FANCE: variants seen among roughly 807,000 people sequenced by gnomAD.
FANCE encodes the protein FA complementation group E.
FANCE carries 42 observed loss-of-function variants against 57.8 expected under a neutral mutation model. That is an observed-to-expected ratio of 0.73 (90% CI 0.57 to 0.94). The LOEUF is 0.94. FANCE is among the 40% of genes least tolerant of loss of function. The pLI is 0.00. For synonymous variants in FANCE, 251 were observed against 286.4 expected, an observed-to-expected ratio of 0.88 and a Z score of 1.25; for missense variants, 608 against 661.8, an observed-to-expected ratio of 0.92 and a Z score of 0.89.
At chr6:35,455,412 A>G (rs1220272009) in intron 1 of FANCE, among the ~76,000 whole-genome samples, 3 of 151,572 alleles carry the variant, frequency 2.0e-5, no homozygotes, top group African/African-American at 7.3e-5. Flanking sequence ...GGTTCAAGCG[A>G]TTCTCCTGCC....
rs769404523 is a variant in FANCE at position 35,455,999 on chromosome 6, A to G, written c.501A>G (p.Leu167=). The G allele has an allele frequency of 4.3e-6, 7 of 1,613,140 alleles. No homozygotes were observed. The highest frequency in any genetic ancestry group is 2.2e-5 in the South Asian group (2 of 91,060). The change falls in exon 2 of 10, where the codon CTA becomes CTG. Residue 167 remains leucine, a synonymous_variant. Coordinates refer to ENST00000229769, the MANE Select transcript of FANCE (RefSeq NM_021922.3). The part of the protein sequence containing the change: ...SERCQRQLQS[L]CRGLGLGGRR... ...GATGCCAGAGACAGCTCCAAAGTCT[A>G]TGTAGGGGGCTGGGCCTGGGGGGCA... is the stretch of plus-strand genomic sequence containing the variant.
In FANCE at chr6:35,452,455, C is replaced by A; in HGVS notation, c.-91C>A. 1 of 1,175,090 alleles carries A rather than the reference C, an allele frequency of 8.5e-7. No homozygotes were observed. 72.8% of individuals were successfully genotyped at this position (1,175,090 alleles called of 1,614,324 possible). ...TGGAGCTGGCCCGCCACCGCCGCGT[C>A]AGGGACGGCGCTGGAGTCCTCCGTT... On this transcript the variant is annotated 5_prime_UTR_variant, in exon 1 of 10. Coordinates refer to ENST00000229769, the MANE Select transcript of FANCE (RefSeq NM_021922.3).
rs45618936 is a variant in FANCE, at chr6:35,457,430, T to C, written c.856-126T>C. ...GCCACCGCGCTTGGCCTCTTGACTT[T>C]CTTGAATCATCTTTGCCAGCTAGCT... On this transcript the variant is annotated intron_variant, in intron 2 of 9. Coordinates refer to ENST00000229769, the MANE Select transcript of FANCE (RefSeq NM_021922.3). 607 of 1,055,288 alleles carry C rather than the reference T, an allele frequency of 5.8e-4. 5 individuals carry two copies. The African/African-American group carries it at 8.4e-3, about 15-fold the overall frequency. 65.4% of individuals were successfully genotyped at this position (1,055,288 alleles called of 1,614,324 possible).
At chr6:35,463,777 T>G (rs1014764481) in intron 9 of FANCE, among the ~76,000 whole-genome samples, 1 of 151,794 alleles carries the variant, frequency 6.6e-6, no homozygotes, top group Non-Finnish European at 1.5e-5. Flanking sequence ...TTCTCCTGCC[T>G]CAGCCTCCCG....
At position 35,457,604 on chromosome 6, in the gene FANCE, A is replaced by T. The variant is rs1329359988; in HGVS notation, c.900+4A>T. On this transcript the variant is annotated splice_donor_region_variant and intron_variant, in intron 3 of 9. Coordinates refer to ENST00000229769, the MANE Select transcript of FANCE (RefSeq NM_021922.3). Reference sequence around the variant, plus strand: ...GCTGCTGAAGACCTTGGAGGAGGTGACTGGCCCCACAGTGCTCACCATAGC... The same window carrying T: ...GCTGCTGAAGACCTTGGAGGAGGTGTCTGGCCCCACAGTGCTCACCATAGC... 11 of 1,613,798 alleles carry T rather than the reference A, an allele frequency of 6.8e-6. No individual in the cohort carries two copies. The highest frequency in any genetic ancestry group is 9.3e-6 in the Non-Finnish European group (11 of 1,179,958).
chr6:35,465,864 T>C lies in FANCE; in HGVS notation c.1510-380T>C, dbSNP rs993605944. Among the ~76,000 whole-genome samples, 13 of 152,232 alleles carry C rather than the reference T, an allele frequency of 8.5e-5. 1 individual carries two copies. Among genetic ancestry groups the C allele is most frequent in the Admixed American group, 7.9e-4 (12 of 15,284 alleles). On this transcript the variant is annotated intron_variant, in intron 9 of 9. Transcript: ENST00000229769. ...AAGTGTGATCCAAAAGGAAGGTAGC[T>C]GTCACAGTAGAGTGTCTGTGAACCT...
intron 7 of FANCE, among the ~76,000 whole-genome samples, 194 bp downstream of exon 7, chr6:35,459,954 G>T (rs958647935): frequency 5.9e-5 from 9 of 152,094 alleles, no homozygotes; most frequent in African/African-American, 2.2e-4. Context: ...TCTACTCCTA[G>T]TTATTTTTTA....
At chr6:35,458,034 T>C (rs774814768) in intron 4 of FANCE, 50 bp downstream of exon 4, 1 of 1,531,392 alleles carries the variant, frequency 6.5e-7, no homozygotes, top group Non-Finnish European at 9.0e-7. Flanking sequence ...CTGTCCCTTA[T>C]CTTTTTCTAT....
In FANCE at chr6:35,458,118, G is replaced by C. The variant is rs1007523516; in HGVS notation, c.969+134G>C. On this transcript the variant is annotated intron_variant, in intron 4 of 9. Transcript: ENST00000229769. ...TGTTGTTTTCTCTCTCAGCGATAGG[G>C]GTCACCCTGTGTAGTATCTTTTAGC... 16 of 1,198,396 alleles carry C rather than the reference G, an allele frequency of 1.3e-5. No homozygotes were observed. The African/African-American group carries it at 2.2e-4, about 17-fold the overall frequency. The allele number at this position is 1,198,396 out of a possible 1,614,324, so 74.2% of individuals were successfully genotyped here.
chr6:35,459,566 G>T, intron 6 of FANCE, 112 bp downstream of exon 6: 1 of 1,583,436 alleles, frequency 6.3e-7, no homozygotes. Context: ...AAAGATGCCT[G>T]CTGCTTCCCT....
rs373268808 is a variant in FANCE, at chr6:35,456,049, C to T, written c.551C>T (p.Pro184Leu). 8.1e-6 allele frequency: 13 copies of T among 1,613,180 alleles called. No individual in the cohort carries two copies. In the African/African-American group the frequency reaches 1.5e-4, roughly 18 times the overall value. ...GGRRLKSPQAPDPEEEENRDS... is the reference protein window; with the variant it reads ...GGRRLKSPQALDPEEEENRDS... ...AGGAGGTTGAAATCCCCCCAGGCTCCAGACCCTGAAGAAGAGGAGAACAGG... is the reference window on the plus strand; with the variant it reads ...AGGAGGTTGAAATCCCCCCAGGCTCTAGACCCTGAAGAAGAGGAGAACAGG... Residue 184 changes from proline to leucine, a missense_variant, in exon 2 of 10, where the codon CCA (proline) becomes CTA (leucine). Physicochemically the swap from Pro to Leu is moderately conservative, Grantham distance 98 (BLOSUM62 -3). Coordinates refer to ENST00000229769, the MANE Select transcript of FANCE (RefSeq NM_021922.3). This position sits in a 1 kb window ranked among gnomAD's most constrained non-coding sequence, Gnocchi z 4.3.
intron 4 of FANCE, 120 bp downstream of exon 4, chr6:35,458,104 C>T (rs1393814663): frequency 5.6e-6 from 7 of 1,247,572 alleles, no homozygotes; most frequent in African/African-American, 4.4e-5. Context: ...GTTGTTTTCT[C>T]TCTCAGCGAT....
chr6:35,459,193 G>A (rs1767484650), intron 5 of FANCE, 138 bp from the exon 6 acceptor site: 2 of 1,054,992 alleles, frequency 1.9e-6, no homozygotes, highest in Non-Finnish European at 2.8e-6. Context: ...CAATGGGTGG[G>A]TCCATGTGAG....
rs770954144 is a variant in FANCE, at chr6:35,456,299, T to A, written c.801T>A (p.Asn267Lys). Residue 267 changes from asparagine to lysine, a missense_variant, in exon 2 of 10, where the codon AAT (asparagine) becomes AAA (lysine). Coordinates refer to ENST00000229769, the MANE Select transcript of FANCE (RefSeq NM_021922.3). The surrounding 1 kb of genome is among the most constrained non-coding windows in gnomAD (Gnocchi z 4.3). ...TTAAGACTGGCGAGGACGGTTCGAA[T>A]CTGGATGATGCTAAAGGTCTGGCTG... ...MAVKTGEDGS[N>K]LDDAKGLAES... 2 of 1,614,172 alleles carry A rather than the reference T, an allele frequency of 1.2e-6. No homozygotes were observed. The highest frequency in any genetic ancestry group is 2.2e-5 in the South Asian group (2 of 91,078).
intron 1 of FANCE, among the ~76,000 whole-genome samples, chr6:35,453,475 T>TA (rs35275700): frequency 0.015 from 2,293 of 148,798 alleles, 32 homozygotes; most frequent in East Asian, 0.059. Context: ...AACTTTTGCT[T>TA]AAAAAAAAAA....
chr6:35,457,911 C>T lies in FANCE; in HGVS notation c.901-5C>T. On this transcript the variant is annotated splice_region_variant and splice_polypyrimidine_tract_variant and intron_variant, in intron 3 of 9. Coordinates refer to ENST00000229769, the MANE Select transcript of FANCE (RefSeq NM_021922.3). The stretch of plus-strand genomic sequence containing the variant: ...CCAGCCCTAACATGAGATTTGTCTC[C>T]CCAGGGGTTAGAGGGATTGGAGGAT... The T allele has an allele frequency of 1.9e-6, 3 of 1,613,748 alleles. No homozygotes were observed. Among genetic ancestry groups the T allele is most frequent in the Non-Finnish European group, 2.5e-6 (3 of 1,179,702 alleles).
intron 8 of FANCE, among the ~76,000 whole-genome samples, chr6:35,462,562 C>T (rs1446015790): frequency 6.6e-6 from 1 of 152,166 alleles, no homozygotes; most frequent in East Asian, 1.9e-4. Flanking sequence ...TTTTCTGAGA[C>T]CTGTGTGTCT....
chr6:35,456,171 G>GAGGAAGAAGATCATGAGA lies in FANCE; in HGVS notation c.678_695dup (p.Glu227_Glu232dup). On this transcript the variant is annotated inframe_insertion, in exon 2 of 10. Transcript: ENST00000229769. The surrounding 1 kb of genome is among the most constrained non-coding windows in gnomAD (Gnocchi z 4.3). ...CCCCAAAAGATTACGGTGTTGGGAA[G>GAGGAAGAAGATCATGAGA]AGGAAGAAGATCATGAGAAGGAGAG... 2 of 1,614,206 alleles carry GAGGAAGAAGATCATGAGA rather than the reference G, an allele frequency of 1.2e-6. No individual in the cohort carries two copies. The highest frequency in any genetic ancestry group is 1.7e-6 in the Non-Finnish European group (2 of 1,180,038).
intron 7 of FANCE, 147 bp downstream of exon 7, chr6:35,459,907 A>T: frequency 1.4e-6 from 1 of 701,626 alleles, no homozygotes. Context: ...TTTCTCCTTT[A>T]TGAGTCCTCT....
Sources: allele counts gnomAD v4.1 joint callset (sites outside exome capture counted in the v4.1 genomes callset), GRCh38; gene constraint gnomAD v4.1.1; non-coding constraint Gnocchi (gnomAD v3.1); transcripts MANE v1.5; gene names NCBI Gene and HGNC (gene_info 2026-07-23, HGNC 2026-07-21).